The following FAF2 variants were observed in gnomAD, a reference collection of about 807,000 sequenced individuals.
FAF2 encodes the protein Fas associated factor family member 2.
In FAF2, 9 loss-of-function variants were observed where a neutral mutation model predicts 62.3. That is an observed-to-expected ratio of 0.14 (90% CI 0.09 to 0.25). The LOEUF is 0.25. Among genes scored for constraint, FAF2 ranks in the 10% least tolerant of loss-of-function variants. The probability of loss-of-function intolerance (pLI) is 1.00; values close to 1 mark genes in which losing one functional copy is unlikely to be tolerated. For synonymous variants in FAF2, 202 were observed against 198.0 expected (o/e 1.02, Z -0.17); for missense variants, 368 against 556.2 (o/e 0.66, Z 3.40).
intron 3 of FAF2, among the ~76,000 whole-genome samples, chr5:176,487,934 C>T (rs1758902832): frequency 6.6e-6 from 1 of 152,106 alleles, no homozygotes. Flanking sequence ...CCTCAGCTTC[C>T]CAGGTTCAAG....
At chr5:176,483,877 C>A (rs1331525925) in intron 2 of FAF2, among the ~76,000 whole-genome samples, 1 of 152,096 alleles carries the variant, frequency 6.6e-6, no homozygotes, top group African/African-American at 2.4e-5. Context: ...GAATTTAAGA[C>A]CATTCTGGCC....
At chr5:176,472,896 C>T (rs1758599349) in intron 1 of FAF2, among the ~76,000 whole-genome samples, 1 of 152,098 alleles carries the variant, frequency 6.6e-6, no homozygotes, top group African/African-American at 2.4e-5. Context: ...CCAATGTTTC[C>T]TCCCTTCTTG....
intron 1 of FAF2, among the ~76,000 whole-genome samples, chr5:176,477,136 G>A (rs1335743239): frequency 8.2e-5 from 11 of 134,050 alleles, no homozygotes; most frequent in East Asian, 2.2e-4. Context: ...AAGTTGAGGC[G>A]GGGTTTCACT....
chr5:176,492,168 T>C lies in FAF2; in HGVS notation c.345-26T>C, dbSNP rs200466081. The C allele has an allele frequency of 1.8e-4, 294 of 1,613,760 alleles. 1 individual carries two copies. Among genetic ancestry groups the C allele is most frequent in the Middle Eastern group, 1.7e-3 (10 of 5,950 alleles). On this transcript the variant is annotated intron_variant, in intron 4 of 10. Transcript: ENST00000261942. The stretch of plus-strand genomic sequence containing the variant: ...TATGCACTGTAGTAAGCTGGATTCA[T>C]GTGATATTTATTCCTTCCTCCCCAG...
At chr5:176,470,017 A>T (rs1049071411) in intron 1 of FAF2, among the ~76,000 whole-genome samples, 1 of 152,212 alleles carries the variant, frequency 6.6e-6, no homozygotes, top group East Asian at 1.9e-4. Context: ...AAACACCAGA[A>T]GATTCCTGTA....
chr5:176,464,121 T>C (rs1045434841), intron 1 of FAF2, among the ~76,000 whole-genome samples: 1 of 152,136 alleles, frequency 6.6e-6, no homozygotes, highest in Admixed American at 6.5e-5. Context: ...TTATTCTTTT[T>C]TTTGTTTCTT....
intron 2 of FAF2, among the ~76,000 whole-genome samples, chr5:176,481,379 CGGGCGCGGT>C (rs1389804822): frequency 7.2e-5 from 11 of 152,138 alleles, no homozygotes. Context: ...AGGGTTGGGC[CGGGCGCGGT>C]GGCTCACGCC....
chr5:176,455,757 A>G (rs1400533038), intron 1 of FAF2, among the ~76,000 whole-genome samples: 3 of 151,820 alleles, frequency 2.0e-5, no homozygotes, highest in Admixed American at 2.0e-4. Context: ...TCAAAAAACT[A>G]AAAATAAAAA....
At chr5:176,461,881 A>G (rs1025151075) in intron 1 of FAF2, among the ~76,000 whole-genome samples, 2 of 152,184 alleles carry the variant, frequency 1.3e-5, no homozygotes, top group African/African-American at 4.8e-5. Flanking sequence ...GCCAAGACCA[A>G]TGTCCAGAAT....
chr5:176,478,099 G>A (rs1758733535), intron 1 of FAF2, among the ~76,000 whole-genome samples: 1 of 152,206 alleles, frequency 6.6e-6, no homozygotes, highest in Admixed American at 6.5e-5. Flanking sequence ...AGGAATGCTA[G>A]AGTTTAGCTC....
At chr5:176,458,408 CT>C (rs751775026) in intron 1 of FAF2, among the ~76,000 whole-genome samples, 1,334 of 86,406 alleles carry the variant, frequency 0.015, 50 homozygotes, top group African/African-American at 0.056. Context: ...CTTTTTCTTC[CT>C]TTTTTTTTTT....
chr5:176,475,574 C>T (rs539376779), intron 1 of FAF2, among the ~76,000 whole-genome samples: 20 of 152,110 alleles, frequency 1.3e-4, no homozygotes, highest in African/African-American at 4.3e-4. Context: ...GTGAGGAGTT[C>T]GAGACCAGCC....
chr5:176,481,295 C>G (rs1035102462), intron 2 of FAF2, among the ~76,000 whole-genome samples: 2 of 152,142 alleles, frequency 1.3e-5, no homozygotes, highest in Non-Finnish European at 2.9e-5. Flanking sequence ...ATCCACCCAC[C>G]TCCGCCTCCC....
At chr5:176,455,434 G>A (rs1188503803) in intron 1 of FAF2, among the ~76,000 whole-genome samples, 1 of 151,858 alleles carries the variant, frequency 6.6e-6, no homozygotes. Context: ...GGGTGACAGA[G>A]TGAGACCCTG....
chr5:176,497,670 T>G (rs777536121), intron 8 of FAF2, among the ~76,000 whole-genome samples: 16 of 152,226 alleles, frequency 1.1e-4, no homozygotes, highest in Non-Finnish European at 2.2e-4. Context: ...TTTTGCAATT[T>G]GTGATGGTTT....
At chr5:176,468,558 T>C (rs1407686955) in intron 1 of FAF2, among the ~76,000 whole-genome samples, 1 of 152,076 alleles carries the variant, frequency 6.6e-6, no homozygotes, top group Non-Finnish European at 1.5e-5. Context: ...CATCCCAACC[T>C]GGGCGACAGA....
chr5:176,452,429 C>G (rs911269022), intron 1 of FAF2, among the ~76,000 whole-genome samples: 10 of 152,106 alleles, frequency 6.6e-5, no homozygotes, highest in Non-Finnish European at 1.5e-4. Flanking sequence ...ATGTTTAATC[C>G]TTACAGCAGT....
At chr5:176,449,911 C>CATCT (rs777538231) in intron 1 of FAF2, among the ~76,000 whole-genome samples, 4 of 152,188 alleles carry the variant, frequency 2.6e-5, no homozygotes, top group Non-Finnish European at 4.4e-5. Context: ...CCCTGATTTA[C>CATCT]AGATGAAGGG....
intron 1 of FAF2, among the ~76,000 whole-genome samples, chr5:176,476,489 CTG>C (rs765842593): frequency 6.6e-6 from 1 of 151,938 alleles, no homozygotes; most frequent in Non-Finnish European, 1.5e-5. Flanking sequence ...ATTACACCCT[CTG>C]AGAAGGCAAT....
Sources: gnomAD v4.1 joint callset for allele counts (sites outside exome capture counted in the v4.1 genomes callset) on GRCh38, gnomAD v4.1.1 for gene constraint, MANE v1.5 for transcripts, NCBI Gene and HGNC (gene_info 2026-07-23, HGNC 2026-07-21) for gene names.